The following CTBP2 variants were observed in gnomAD, a reference collection of about 807,000 sequenced individuals.
CTBP2 encodes C-terminal-binding protein 2.
Under a neutral mutation model 80.3 loss-of-function variants are expected in CTBP2, and 30 were observed. The observed-to-expected ratio is 0.37, with a 90% confidence interval of 0.28 to 0.51. The LOEUF (loss-of-function observed/expected upper bound fraction) is 0.51. Among genes scored for constraint, CTBP2 ranks in the 20% least tolerant of loss-of-function variants. The probability of loss-of-function intolerance (pLI) is 0.93; values close to 1 mark genes in which losing one functional copy is unlikely to be tolerated. For missense variants in CTBP2, 1,212 were observed against 1,375.3 expected (o/e 0.88, Z 1.88); for synonymous variants, 594 against 587.4 (o/e 1.01, Z -0.16).
intron 1 of CTBP2, among the ~76,000 whole-genome samples, chr10:125,020,313 G>A (rs1956910370): frequency 6.6e-6 from 1 of 152,138 alleles, no homozygotes; most frequent in Non-Finnish European, 1.5e-5. Context: ...GGGATGGGAT[G>A]GGGACAGCAC....
intron 1 of CTBP2, among the ~76,000 whole-genome samples, chr10:125,114,602 T>G (rs2135961532): frequency 6.6e-6 from 1 of 152,226 alleles, no homozygotes; most frequent in East Asian, 1.9e-4. Context: ...AGTGAATAAA[T>G]CCTTTTCTTA....
At chr10:125,030,396 G>A (rs981342073), upstream of CTBP2, among the ~76,000 whole-genome samples, 1 of 152,198 alleles carries the variant, frequency 6.6e-6, no homozygotes, top group Non-Finnish European at 1.5e-5. Flanking sequence ...GTCCCTGTGC[G>A]ACACAAGGTG....
chr10:124,996,270 C>G (rs990503607), intron 4 of CTBP2: 3 of 152,120 alleles, frequency 2.0e-5, no homozygotes, highest in African/African-American at 7.2e-5. Flanking sequence ...TGTCCATGCC[C>G]CCAGCCCCAG....
At chr10:125,155,399 C>T (rs1415427327) in intron 1 of CTBP2, among the ~76,000 whole-genome samples, 6 of 150,384 alleles carry the variant, frequency 4.0e-5, no homozygotes, top group African/African-American at 1.5e-4. Flanking sequence ...TTTGTGAATC[C>T]CCCCTTTTTT....
chr10:125,061,856 T>C (rs945175952), intron 2 of CTBP2, among the ~76,000 whole-genome samples: 2 of 152,212 alleles, frequency 1.3e-5, no homozygotes, highest in African/African-American at 2.4e-5. Context: ...TCCTGGACAC[T>C]GTTCCCGTCA....
chr10:125,018,325 G>A (rs1292484569), intron 1 of CTBP2, among the ~76,000 whole-genome samples: 2 of 152,118 alleles, frequency 1.3e-5, no homozygotes, highest in Non-Finnish European at 2.9e-5. Context: ...AGGAGTTTGA[G>A]ACCAGCCTGG....
chr10:124,989,201 G>A lies in CTBP2; in HGVS notation c.*317C>T. On this transcript the variant is annotated 3_prime_UTR_variant, in exon 9 of 9. Transcript: ENST00000309035. ...CAACATTGTAGAGCAGGGTGTTCAG[G>A]ACCTGCTGTGCCCAAGGGACTGATA... The A allele has an allele frequency of 2.9e-6, 1 of 344,424 alleles. No homozygotes were observed. The highest frequency in any genetic ancestry group is 5.5e-6 in the Non-Finnish European group (1 of 181,780). The allele number at this position is 344,424 out of a possible 1,614,324, so 21.3% of individuals were successfully genotyped here. A position where few individuals can be genotyped will look rare whatever the true frequency, so the allele number is the denominator to read the frequency against.
At chr10:125,123,574 G>A (rs1243436535) in intron 1 of CTBP2, among the ~76,000 whole-genome samples, 1 of 152,170 alleles carries the variant, frequency 6.6e-6, no homozygotes, top group East Asian at 1.9e-4. Flanking sequence ...CACTAAGTAG[G>A]GCAATTCCTT....
rs1952055130 is a variant in CTBP2, at chr10:124,986,754, G to T, written c.*2764C>A. On this transcript the variant is annotated 3_prime_UTR_variant, in exon 9 of 9. Transcript: ENST00000309035. ...CTGTAGTAATTTCTCTATGTATAGG[G>T]ATAATTTTTTAGTGGGCAGAGATCC... 6.6e-6 allele frequency: 1 copy of T among 152,166 alleles called. No individual in the cohort carries two copies. Among genetic ancestry groups the T allele is most frequent in the Non-Finnish European group, 1.5e-5 (1 of 68,040 alleles). The allele number at this position is 152,166 out of a possible 1,614,324, so 9.4% of individuals were successfully genotyped here. A position where few individuals can be genotyped will look rare whatever the true frequency, so the allele number is the denominator to read the frequency against.
chr10:125,150,738 T>C (rs1271085418), intron 1 of CTBP2, among the ~76,000 whole-genome samples: 1 of 149,372 alleles, frequency 6.7e-6, no homozygotes, highest in African/African-American at 2.5e-5. Flanking sequence ...ATAGTGAGTC[T>C]GTGATCCAGA....
At chr10:125,144,550 CA>C (rs34185830) in intron 1 of CTBP2, among the ~76,000 whole-genome samples, 1 of 152,222 alleles carries the variant, frequency 6.6e-6, no homozygotes, top group African/African-American at 2.4e-5. Context: ...GGATTTGCCA[CA>C]AAACGAGTTC....
chr10:125,094,760 C>T (rs1849302044), intron 2 of CTBP2, among the ~76,000 whole-genome samples: 1 of 152,166 alleles, frequency 6.6e-6, no homozygotes, highest in African/African-American at 2.4e-5. Flanking sequence ...AAAATGTCAA[C>T]AGTGCCAAAG....
At chr10:125,135,433 T>TC (rs577594551) in intron 1 of CTBP2, among the ~76,000 whole-genome samples, 106 of 152,076 alleles carry the variant, frequency 7.0e-4, no homozygotes, top group Non-Finnish European at 1.2e-3. Flanking sequence ...CCCCATCCCA[T>TC]CCCCCATCGC....
At chr10:125,115,808 T>C (rs998192614) in intron 1 of CTBP2, among the ~76,000 whole-genome samples, 1 of 151,640 alleles carries the variant, frequency 6.6e-6, no homozygotes, top group Non-Finnish European at 1.5e-5. Flanking sequence ...ACTGCCATCC[T>C]GTGGTATGGC....
chr10:125,120,928 G>A (rs755888117), intron 1 of CTBP2, among the ~76,000 whole-genome samples: 53 of 152,220 alleles, frequency 3.5e-4, no homozygotes, highest in African/African-American at 1.2e-3. Flanking sequence ...CCAGATATCG[G>A]TTCCTTGACC....
chr10:124,995,523 G>C (rs1426213004), intron 4 of CTBP2, among the ~76,000 whole-genome samples: 1 of 152,220 alleles, frequency 6.6e-6, no homozygotes. Flanking sequence ...CCAAGGTGCA[G>C]GCAGGAGAAG....
chr10:125,084,764 C>T (rs1038616435), intron 2 of CTBP2, among the ~76,000 whole-genome samples: 2 of 152,126 alleles, frequency 1.3e-5, no homozygotes, highest in Non-Finnish European at 2.9e-5. Context: ...TCCCAGCACC[C>T]CCGCCTTCCT....
intron 8 of CTBP2, among the ~76,000 whole-genome samples, chr10:124,992,307 T>G (rs1952775817): frequency 6.8e-6 from 1 of 146,692 alleles, no homozygotes; most frequent in African/African-American, 2.5e-5. Context: ...TGATCTCGGC[T>G]CACTGCAATC....
chr10:125,155,389 T>C (rs1180894910), intron 1 of CTBP2, among the ~76,000 whole-genome samples: 1 of 151,066 alleles, frequency 6.6e-6, no homozygotes, highest in Non-Finnish European at 1.5e-5. Flanking sequence ...TCTGTATTCA[T>C]TTGTGAATCC....
Sources: allele counts gnomAD v4.1 joint callset (sites outside exome capture counted in the v4.1 genomes callset), GRCh38; gene constraint gnomAD v4.1.1; transcripts MANE v1.5; gene names NCBI Gene and HGNC (gene_info 2026-07-23, HGNC 2026-07-21).